The following WDTC1 variants were observed in gnomAD, a reference collection of about 807,000 sequenced individuals.
The protein encoded by WDTC1 is WD and tetratricopeptide repeats protein 1.
Under a neutral mutation model 76.0 loss-of-function variants are expected in WDTC1, and 12 were observed. The observed-to-expected ratio is 0.16, with a 90% CI of 0.10 to 0.26. WDTC1 has a LOEUF of 0.26. WDTC1 is among the 10% of genes least tolerant of loss of function. The pLI is 1.00. For missense variants in WDTC1, 511 were observed against 908.8 expected (o/e 0.56, Z 5.63); for synonymous variants, 326 against 350.8 (o/e 0.93, Z 0.79).
chr1:27,243,149 T>G (rs905754887), intron 1 of WDTC1, among the ~76,000 whole-genome samples: 1 of 151,838 alleles, frequency 6.6e-6, no homozygotes, highest in African/African-American at 2.4e-5. Flanking sequence ...TTCCTGAAAT[T>G]GTATCAATAC....
chr1:27,263,830 C>T (rs1326463057), intron 3 of WDTC1, among the ~76,000 whole-genome samples: 2 of 152,086 alleles, frequency 1.3e-5, no homozygotes, highest in South Asian at 4.1e-4. Context: ...AGATTTCCTA[C>T]CCGTATACAG....
At chr1:27,287,609 C>T in intron 5 of WDTC1, 65 bp from the exon 6 acceptor site, 4 of 1,521,464 alleles carry the variant, frequency 2.6e-6, no homozygotes, top group Non-Finnish European at 3.6e-6. Flanking sequence ...GACATCCAGG[C>T]TAGCCTCCTT....
At position 27,306,052 on chromosome 1, in the gene WDTC1, A is replaced by T; in HGVS notation, c.1837-134A>T. 1.0e-6 allele frequency: 1 copy of T among 989,224 alleles called. No individual in the cohort carries two copies. The highest frequency in any genetic ancestry group is 1.5e-6 in the Non-Finnish European group (1 of 665,740). The allele number at this position is 989,224 out of a possible 1,614,324, so 61.3% of individuals were successfully genotyped here. ...TTGTGTGTTCCCCTCCACCATATAC[A>T]CCTCCTGGCATGTATGTGTACCTCC... On this transcript the variant is annotated intron_variant, in intron 15 of 15. Coordinates refer to ENST00000319394, the MANE Select transcript of WDTC1 (RefSeq NM_001276252.2). This position sits in a 1 kb window ranked among gnomAD's most constrained non-coding sequence, Gnocchi z 5.0.
chr1:27,264,470 C>T (rs1334837981), intron 3 of WDTC1, among the ~76,000 whole-genome samples: 1 of 151,778 alleles, frequency 6.6e-6, no homozygotes, highest in Admixed American at 6.6e-5. Flanking sequence ...AAAACCAAAA[C>T]CAAAAACCAG....
intron 3 of WDTC1, among the ~76,000 whole-genome samples, chr1:27,273,018 TA>T (rs1470829938): frequency 6.6e-6 from 1 of 152,182 alleles, no homozygotes; most frequent in Non-Finnish European, 1.5e-5. Context: ...TATGGGTTAC[TA>T]GTTTCTAAAT....
rs1363186081 is a variant in WDTC1, at chr1:27,303,297, C to T, written c.1469-324C>T. Among the ~76,000 whole-genome samples, 2 of 151,766 alleles carry T rather than the reference C, an allele frequency of 1.3e-5. No homozygotes were observed. The highest frequency in any genetic ancestry group is 4.8e-5 in the African/African-American group (2 of 41,328). On this transcript the variant is annotated intron_variant, in intron 13 of 15. Transcript: ENST00000319394. This position sits in a 1 kb window ranked among gnomAD's most constrained non-coding sequence, Gnocchi z 4.8. The stretch of plus-strand genomic sequence containing the variant: ...AAAAAAGTCATCCATTCTCTCTTTG[C>T]TAGTGCCTCACTCTACCCTCCCCTG...
At chr1:27,262,796 C>A (rs1218948567) in intron 2 of WDTC1, among the ~76,000 whole-genome samples, 1 of 152,102 alleles carries the variant, frequency 6.6e-6, no homozygotes, top group Non-Finnish European at 1.5e-5. Flanking sequence ...ATGGAATCAG[C>A]AGGGGTTTTT....
chr1:27,254,250 C>G (rs1218940665), intron 1 of WDTC1, among the ~76,000 whole-genome samples: 6 of 152,134 alleles, frequency 3.9e-5, no homozygotes, highest in Non-Finnish European at 5.9e-5. Context: ...AAGATGAGCT[C>G]TCTACCAGTA....
intron 1 of WDTC1, among the ~76,000 whole-genome samples, chr1:27,259,646 A>G (rs1231177213): frequency 1.3e-5 from 2 of 151,854 alleles, no homozygotes; most frequent in African/African-American, 4.8e-5. Context: ...TCTTTTTCTT[A>G]TGGCAAATCC....
At chr1:27,258,232 A>G (rs1176902338) in intron 1 of WDTC1, among the ~76,000 whole-genome samples, 1 of 151,290 alleles carries the variant, frequency 6.6e-6, no homozygotes, top group East Asian at 2.0e-4. Flanking sequence ...GCCCCATCTC[A>G]ATTACAAAAA....
chr1:27,257,303 G>A (rs1031813105), intron 1 of WDTC1, among the ~76,000 whole-genome samples: 2 of 152,140 alleles, frequency 1.3e-5, no homozygotes, highest in African/African-American at 2.4e-5. Flanking sequence ...CGGGTGAAGC[G>A]TACGTAACCC....
At chr1:27,252,054 A>G (rs1255979805) in intron 1 of WDTC1, among the ~76,000 whole-genome samples, 3 of 151,382 alleles carry the variant, frequency 2.0e-5, no homozygotes, top group African/African-American at 7.3e-5. Context: ...TCTCAAAAAT[A>G]AAAAAAACCT....
Position 27,297,162 on chromosome 1 carries a change from G to T in WDTC1, c.1058+6G>T. 1 of 1,595,676 alleles carries T rather than the reference G, an allele frequency of 6.3e-7. No individual in the cohort carries two copies. The highest frequency in any genetic ancestry group is 8.5e-7 in the Non-Finnish European group (1 of 1,170,556). On this transcript the variant is annotated splice_donor_region_variant and intron_variant, in intron 11 of 15. Coordinates refer to ENST00000319394, the MANE Select transcript of WDTC1 (RefSeq NM_001276252.2). ...GAGAGTAGGGGACATGTCAGGTGAGGCCAGCTGGCTTGTCCAGCCCTCCAA... is the reference window on the plus strand; with the variant it reads ...GAGAGTAGGGGACATGTCAGGTGAGTCCAGCTGGCTTGTCCAGCCCTCCAA...
intron 1 of WDTC1, among the ~76,000 whole-genome samples, 172 bp downstream of exon 1, chr1:27,235,123 G>A (rs2011466836): frequency 6.6e-6 from 1 of 152,028 alleles, no homozygotes; most frequent in Non-Finnish European, 1.5e-5. Flanking sequence ...AGGCCTCGCC[G>A]GGGCGGAGGG....
At position 27,303,705 on chromosome 1, in the gene WDTC1, T is replaced by C; in HGVS notation, c.1553T>C (p.Val518Ala). The C allele has an allele frequency of 6.2e-7, 1 of 1,614,062 alleles. No individual in the cohort carries two copies. Among genetic ancestry groups the C allele is most frequent in the Non-Finnish European group, 8.5e-7 (1 of 1,179,962 alleles). Reference sequence around the variant, plus strand: ...GACTCCATCTCAGAGGATGAAATGGTGCTGCGGGAGCGAAGCTACGACTAT... The same window carrying C: ...GACTCCATCTCAGAGGATGAAATGGCGCTGCGGGAGCGAAGCTACGACTAT... ...RKDSISEDEMVLRERSYDYQF... is the reference protein window; with the variant it reads ...RKDSISEDEMALRERSYDYQF... Residue 518 changes from valine to alanine, a missense_variant, in exon 14 of 16, where the codon GTG (valine) becomes GCG (alanine). Physicochemically the swap from Val to Ala is moderately conservative, Grantham distance 64. Transcript: ENST00000319394. The surrounding 1 kb of genome is among the most constrained non-coding windows in gnomAD (Gnocchi z 4.8).
chr1:27,283,509 G>A, intron 5 of WDTC1, 60 bp downstream of exon 5: 1 of 1,525,566 alleles, frequency 6.6e-7, no homozygotes, highest in Non-Finnish European at 9.0e-7. Flanking sequence ...GAGTGACTGG[G>A]CTGTGGCCAC....
At chr1:27,285,028 CTTTT>C (rs758125297) in intron 5 of WDTC1, among the ~76,000 whole-genome samples, 2 of 117,046 alleles carry the variant, frequency 1.7e-5, no homozygotes, top group African/African-American at 6.4e-5. Flanking sequence ...AGACCTTGGT[CTTTT>C]TTTTTTTTTT....
chr1:27,282,300 G>C lies in WDTC1; in HGVS notation c.179+15G>C. 6.2e-7 allele frequency: 1 copy of C among 1,613,460 alleles called. No homozygotes were observed. Among genetic ancestry groups the C allele is most frequent in the Non-Finnish European group, 8.5e-7 (1 of 1,179,556 alleles). On this transcript the variant is annotated intron_variant, in intron 4 of 15. Coordinates refer to ENST00000319394, the MANE Select transcript of WDTC1 (RefSeq NM_001276252.2). ...GAGAAAGGAGAGTAAGTATGAGCTA[G>C]AGCACCTGAAGGGTGCTGGGGAAGG...
chr1:27,274,778 T>C lies in WDTC1; in HGVS notation c.133-7461T>C, dbSNP rs75794235. 2.1e-4 allele frequency among the ~76,000 whole-genome samples: 32 copies of C among 152,298 alleles called. No homozygotes were observed. In the East Asian group the frequency reaches 5.6e-3, roughly 27 times the overall value. On this transcript the variant is annotated intron_variant, in intron 3 of 15. Transcript: ENST00000319394. This position sits in a 1 kb window ranked among gnomAD's most constrained non-coding sequence, Gnocchi z 4.2. ...TTTTTGGGGAGTTGCTTGCTTTCATTTTGTATGTATTACCAGGGATCTCCC... is the reference window on the plus strand; with the variant it reads ...TTTTTGGGGAGTTGCTTGCTTTCATCTTGTATGTATTACCAGGGATCTCCC...
Sources: allele counts gnomAD v4.1 joint callset (sites outside exome capture counted in the v4.1 genomes callset), GRCh38; gene constraint gnomAD v4.1.1; non-coding constraint Gnocchi (gnomAD v3.1); transcripts MANE v1.5; gene names NCBI Gene and HGNC (gene_info 2026-07-23, HGNC 2026-07-21).